The following ACSM1 variants were observed in gnomAD, a reference collection of about 807,000 sequenced individuals.
ACSM1 encodes the protein acyl-coenzyme A synthetase ACSM1, mitochondrial.
A neutral mutation model predicts 75.8 loss-of-function variants in ACSM1; 79 were observed. That is an observed-to-expected ratio of 1.04 (90% CI 0.87 to 1.26). The LOEUF (loss-of-function observed/expected upper bound fraction) is 1.26. ACSM1 is among the 50% of genes most tolerant of loss of function. The pLI is 0.00. For missense variants in ACSM1, 676 were observed against 720.1 expected (o/e 0.94, Z 0.70); for synonymous variants, 279 against 265.8 (o/e 1.05, Z -0.48).
chr16:20,641,756 C>T (rs2018076094), intron 7 of ACSM1, among the ~76,000 whole-genome samples: 1 of 152,194 alleles, frequency 6.6e-6, no homozygotes, highest in Non-Finnish European at 1.5e-5. Context: ...GGTGTTGGGC[C>T]TGATCAGCCC....
At position 20,661,824 on chromosome 16, in the gene ACSM1, T is replaced by C; in HGVS notation, c.962A>G (p.Tyr321Cys). 1 of 1,611,326 alleles carries C rather than the reference T, an allele frequency of 6.2e-7. No homozygotes were observed. The highest frequency in any genetic ancestry group is 8.5e-7 in the Non-Finnish European group (1 of 1,178,012). ...INHFWGVSSI[Y>C]RMILQQDFTS... ...GAAATCCTGCTGCAGAATCATTCGA[T>C]ATATAGATGATACCCCCCAAAAGTG... is the stretch of plus-strand genomic sequence containing the variant. Residue 321 changes from tyrosine to cysteine, a missense_variant, in exon 7 of 14, where the codon TAT becomes TGT. Physicochemically the swap from Tyr to Cys is radical, Grantham distance 194. Transcript: ENST00000520010.
At chr16:20,646,089 A>G (rs537962551) in intron 7 of ACSM1, among the ~76,000 whole-genome samples, 1 of 152,194 alleles carries the variant, frequency 6.6e-6, no homozygotes, top group Admixed American at 6.5e-5. Flanking sequence ...AGAGATCAGG[A>G]GTAGCAGGTG....
chr16:20,641,135 G>A (rs1184470474), intron 7 of ACSM1, among the ~76,000 whole-genome samples: 1 of 151,962 alleles, frequency 6.6e-6, no homozygotes, highest in Non-Finnish European at 1.5e-5. Flanking sequence ...AGCATTACAG[G>A]GTACAGCCCT....
At chr16:20,656,369 T>A (rs1389544542) in intron 7 of ACSM1, among the ~76,000 whole-genome samples, 1 of 152,160 alleles carries the variant, frequency 6.6e-6, no homozygotes, top group East Asian at 1.9e-4. Context: ...GTGGTAAAAA[T>A]TTAATTTGGT....
At chr16:20,663,337 T>G (rs1393747836) in intron 6 of ACSM1, among the ~76,000 whole-genome samples, 1 of 152,158 alleles carries the variant, frequency 6.6e-6, no homozygotes, top group Non-Finnish European at 1.5e-5. Flanking sequence ...TACCCCCACA[T>G]CCGCATGTCC....
chr16:20,676,483 C>T (rs2020285146), intron 4 of ACSM1, among the ~76,000 whole-genome samples: 1 of 152,178 alleles, frequency 6.6e-6, no homozygotes, highest in South Asian at 2.1e-4. Context: ...GTGGACACAG[C>T]ATTTGTAAGG....
At chr16:20,646,048 A>G (rs9937871) in intron 7 of ACSM1, among the ~76,000 whole-genome samples, 18,799 of 152,156 alleles carry the variant, frequency 0.12, 1,635 homozygotes, top group East Asian at 0.49. Context: ...TAGAAACCCT[A>G]TTGAACTTGG....
rs763610651 is a variant in ACSM1 at position 20,640,526 on chromosome 16, C to T, written c.1051G>A (p.Asp351Asn). 9.3e-6 allele frequency: 15 copies of T among 1,614,044 alleles called. No individual in the cohort carries two copies. In the South Asian group the frequency reaches 1.6e-4, roughly 18 times the overall value. ...GTCCGTCTTTTCCACTCCTCCTGATCCTTGGGCAACACGACCTCCCCGCCA... is the reference window on the plus strand; with the variant it reads ...GTCCGTCTTTTCCACTCCTCCTGATTCTTGGGCAACACGACCTCCCCGCCA... ...YTGGEVVLPK[D>N]QEEWKRRTGL... Residue 351 changes from aspartate (D) to asparagine (N), a missense_variant, in exon 8 of 14, where the codon GAT (aspartate) becomes AAT (asparagine). Physicochemically the swap from Asp to Asn is conservative, Grantham distance 23 (BLOSUM62 1). Coordinates refer to ENST00000520010, the MANE Select transcript of ACSM1 (RefSeq NM_001318890.3).
chr16:20,628,654 G>T (rs1227849346), intron 10 of ACSM1, among the ~76,000 whole-genome samples: 1 of 152,040 alleles, frequency 6.6e-6, no homozygotes, highest in African/African-American at 2.4e-5. Context: ...TATGGATGTA[G>T]CTGAGTTTTT....
At chr16:20,637,481 G>A (rs766916760) in intron 8 of ACSM1, 30 bp from the exon 9 acceptor site, 1 of 1,574,044 alleles carries the variant, frequency 6.4e-7, no homozygotes, top group East Asian at 2.2e-5. Flanking sequence ...GATTTGGGTT[G>A]ATCAGAGAGG....
chr16:20,638,173 C>T (rs1009298714), intron 8 of ACSM1, among the ~76,000 whole-genome samples: 1 of 152,182 alleles, frequency 6.6e-6, no homozygotes, highest in East Asian at 1.9e-4. Flanking sequence ...CCACCACACA[C>T]TAAATGCATG....
intron 1 of ACSM1, among the ~76,000 whole-genome samples, chr16:20,691,803 GTGTT>G (rs1453964171): frequency 3.4e-5 from 4 of 116,322 alleles, no homozygotes; most frequent in African/African-American, 1.2e-4. Context: ...GTGTGTGTGT[GTGTT>G]TCTAAACAGA....
At position 20,678,612 on chromosome 16, in the gene ACSM1, A is replaced by G. The variant is rs1022268253; in HGVS notation, c.611+3644T>C. On this transcript the variant is annotated intron_variant, in intron 4 of 13. Transcript: ENST00000520010. ...GAGGTGACCAAAGTGTTGTTAAAAGACATTATTCCCAGATTTGGACTGCCT... is the reference window on the plus strand; with the variant it reads ...GAGGTGACCAAAGTGTTGTTAAAAGGCATTATTCCCAGATTTGGACTGCCT... Among the ~76,000 whole-genome samples, 7 of 152,260 alleles carry G rather than the reference A, an allele frequency of 4.6e-5. 1 individual carries two copies. The highest frequency in any genetic ancestry group is 5.9e-5 in the Non-Finnish European group (4 of 68,042).
intron 7 of ACSM1, among the ~76,000 whole-genome samples, chr16:20,654,603 C>T (rs969860448): frequency 2.6e-5 from 4 of 152,190 alleles, no homozygotes; most frequent in Admixed American, 2.0e-4. Flanking sequence ...TATGAACAGA[C>T]ATTTCTCAAA....
chr16:20,631,344 A>G (rs562124445), intron 10 of ACSM1, among the ~76,000 whole-genome samples: 1 of 152,356 alleles, frequency 6.6e-6, no homozygotes, highest in South Asian at 2.1e-4. Context: ...TACTCCTGCA[A>G]AAATTGTCAT....
intron 6 of ACSM1, among the ~76,000 whole-genome samples, chr16:20,663,416 C>T (rs1279471420): frequency 6.6e-6 from 1 of 152,110 alleles, no homozygotes; most frequent in Admixed American, 6.5e-5. Context: ...GTCTTCACAG[C>T]CTCCATACCA....
At position 20,685,376 on chromosome 16, in the gene ACSM1, A is replaced by G. The variant is rs747650150; in HGVS notation, c.220T>C (p.Phe74Leu). Residue 74 changes from phenylalanine to leucine, a missense_variant, in exon 3 of 14, where the codon TTT (phenylalanine) becomes CTT (leucine). By Grantham distance (22) the Phe-to-Leu change is conservative (BLOSUM62 0). Transcript: ENST00000520010. ...KEGKRGPNPAFWWVNGQGDEV... is the reference protein window; with the variant it reads ...KEGKRGPNPALWWVNGQGDEV... The stretch of plus-strand genomic sequence containing the variant: ...TCCCCTTGGCCATTCACCCACCAAA[A>G]AGCTGGATTTGGACCTCTCTTGCCC... 1.3e-5 allele frequency: 21 copies of G among 1,614,156 alleles called. No individual in the cohort carries two copies. The highest frequency in any genetic ancestry group is 1.8e-5 in the Non-Finnish European group (21 of 1,180,024).
At chr16:20,672,485 TATATATATATAA>T (rs1287218041) in intron 4 of ACSM1, among the ~76,000 whole-genome samples, 3 of 115,796 alleles carry the variant, frequency 2.6e-5, no homozygotes, top group East Asian at 2.9e-4. Context: ...TATATATATA[TATATATATATAA>T]AAAACATATT....
At chr16:20,678,004 A>G (rs1003534518) in intron 4 of ACSM1, among the ~76,000 whole-genome samples, 1 of 150,994 alleles carries the variant, frequency 6.6e-6, no homozygotes, top group South Asian at 2.1e-4. Flanking sequence ...GAAGAATACT[A>G]AAGGCTAAAA....
Sources: allele counts gnomAD v4.1 joint callset (sites outside exome capture counted in the v4.1 genomes callset), GRCh38; gene constraint gnomAD v4.1.1; transcripts MANE v1.5; gene names NCBI Gene and HGNC (gene_info 2026-07-23, HGNC 2026-07-21).